LGR5: variants seen among roughly 807,000 people sequenced by gnomAD.
The protein encoded by LGR5 is leucine rich repeat containing G protein-coupled receptor 5.
Under a neutral mutation model 76.7 loss-of-function variants are expected in LGR5, and 54 were observed. The ratio of observed to expected loss-of-function variants is 0.70; its 90% CI spans 0.57 to 0.88. The LOEUF (loss-of-function observed/expected upper bound fraction) is 0.88. Among genes scored for constraint, LGR5 ranks in the 40% least tolerant of loss-of-function variants. The probability of loss-of-function intolerance (pLI) is 0.00; values close to 1 mark genes in which losing one functional copy is unlikely to be tolerated. For missense variants in LGR5, 1,078 were observed against 1,073.3 expected (o/e 1.00, Z -0.06); for synonymous variants, 406 against 421.9 (o/e 0.96, Z 0.46).
At chr12:71,500,115 A>G (rs1874532709) in intron 1 of LGR5, among the ~76,000 whole-genome samples, 1 of 152,158 alleles carries the variant, frequency 6.6e-6, no homozygotes, top group Non-Finnish European at 1.5e-5. Context: ...GTGTTCCTAG[A>G]ATAAAACCTG....
intron 11 of LGR5, among the ~76,000 whole-genome samples, chr12:71,570,558 G>A (rs1005766336): frequency 2.0e-5 from 3 of 152,062 alleles, no homozygotes; most frequent in Admixed American, 6.5e-5. Context: ...TAATAATCAG[G>A]TATATTTGTG....
At chr12:71,557,495 T>C (rs1877828865) in intron 6 of LGR5, among the ~76,000 whole-genome samples, 1 of 152,202 alleles carries the variant, frequency 6.6e-6, no homozygotes, top group African/African-American at 2.4e-5. Flanking sequence ...TGCTTTCTCC[T>C]CTAGTCTGAT....
chr12:71,546,738 G>A (rs1291615009), intron 4 of LGR5, among the ~76,000 whole-genome samples: 4 of 152,128 alleles, frequency 2.6e-5, no homozygotes, highest in African/African-American at 9.7e-5. Context: ...CATGTATTAT[G>A]AGGGCCTCCA....
Position 71,439,840 on chromosome 12 carries a change from C to A in LGR5, c.-241C>A. 2.0e-6 allele frequency: 1 copy of A among 494,128 alleles called. No homozygotes were observed. The highest frequency in any genetic ancestry group is 3.5e-6 in the Non-Finnish European group (1 of 282,516). The allele number at this position is 494,128 out of a possible 1,614,324, so 30.6% of individuals were successfully genotyped here. ...CCGCGAGCAGCAGCAAGGCGCACCG[C>A]CACTGTCGCCGCTGCAGCCAGGGCT... On this transcript the variant is annotated 5_prime_UTR_variant, in exon 1 of 18. Transcript: ENST00000266674.
rs1456303037 is a variant in LGR5, at chr12:71,439,938, G to C, written c.-143G>C. ...GCTTCTCCTCGCCGCCCACGCCGTG[G>C]GGTCAGGAACGCGGCGTCTGGCGCT... On this transcript the variant is annotated 5_prime_UTR_variant, in exon 1 of 18. Coordinates refer to ENST00000266674, the MANE Select transcript of LGR5 (RefSeq NM_003667.4). 4 of 690,496 alleles carry C rather than the reference G, an allele frequency of 5.8e-6. No individual in the cohort carries two copies. The highest frequency in any genetic ancestry group is 3.9e-5 in the African/African-American group (2 of 51,938). 42.8% of individuals were successfully genotyped at this position (690,496 alleles called of 1,614,324 possible).
chr12:71,455,177 G>A (rs1304361399), intron 1 of LGR5, among the ~76,000 whole-genome samples: 4 of 152,064 alleles, frequency 2.6e-5, no homozygotes, highest in Non-Finnish European at 4.4e-5. Context: ...ACTCCCCAAG[G>A]CAAATTCAAT....
chr12:71,530,996 GAAAAAAA>G (rs35134425), intron 3 of LGR5, among the ~76,000 whole-genome samples: 1 of 138,662 alleles, frequency 7.2e-6, no homozygotes, highest in African/African-American at 2.7e-5. Context: ...GTCCTGTTGG[GAAAAAAA>G]AAAAAAAAAA....
chr12:71,557,740 G>T (rs1232873305), intron 6 of LGR5, among the ~76,000 whole-genome samples: 1 of 152,132 alleles, frequency 6.6e-6, no homozygotes, highest in Non-Finnish European at 1.5e-5. Flanking sequence ...GAGGTGATAG[G>T]CAGGGAGGGT....
intron 3 of LGR5, among the ~76,000 whole-genome samples, chr12:71,527,064 A>T (rs1031985347): frequency 2.2e-4 from 33 of 152,114 alleles, no homozygotes; most frequent in African/African-American, 4.3e-4. Flanking sequence ...ATGAGGAGGC[A>T]TGATGAGGAG....
At chr12:71,530,746 A>G (rs1169659863) in intron 3 of LGR5, among the ~76,000 whole-genome samples, 2 of 152,174 alleles carry the variant, frequency 1.3e-5, no homozygotes, top group East Asian at 1.9e-4. Flanking sequence ...CTGCCACTCA[A>G]CACCAAAACC....
At chr12:71,522,144 C>A (rs1409360666) in intron 2 of LGR5, among the ~76,000 whole-genome samples, 1 of 152,192 alleles carries the variant, frequency 6.6e-6, no homozygotes, top group Non-Finnish European at 1.5e-5. Context: ...CTAGCACCCA[C>A]TAGGGATCAG....
intron 1 of LGR5, among the ~76,000 whole-genome samples, chr12:71,445,431 C>A (rs1009799537): frequency 4.6e-5 from 7 of 152,236 alleles, no homozygotes; most frequent in African/African-American, 1.7e-4. Context: ...CCCACTGCAA[C>A]TCTTTCATTC....
At chr12:71,535,290 C>A in intron 4 of LGR5, 104 bp downstream of exon 4, 1 of 751,848 alleles carries the variant, frequency 1.3e-6, no homozygotes, top group Non-Finnish European at 2.3e-6. Flanking sequence ...GGGAGTCATA[C>A]CTAAATGTAT....
chr12:71,573,406 A>AT (rs1193175459), intron 13 of LGR5, among the ~76,000 whole-genome samples: 1 of 152,194 alleles, frequency 6.6e-6, no homozygotes, highest in Non-Finnish European at 1.5e-5. Context: ...GGGAATCTGC[A>AT]TTTTAACAAG....
upstream of LGR5, among the ~76,000 whole-genome samples, chr12:71,439,567 A>G (rs1388613820): frequency 2.0e-5 from 3 of 151,898 alleles, no homozygotes; most frequent in Non-Finnish European, 4.4e-5. Context: ...GGCGTTGAGC[A>G]CTGAATCTTC....
intron 5 of LGR5, among the ~76,000 whole-genome samples, 166 bp downstream of exon 5, chr12:71,553,454 ACT>A (rs1399431302): frequency 3.3e-5 from 5 of 152,100 alleles, no homozygotes; most frequent in Non-Finnish European, 7.4e-5. Flanking sequence ...TGTGTAAATG[ACT>A]TAAACAATAC....
chr12:71,529,156 A>G (rs1410777575), intron 3 of LGR5, among the ~76,000 whole-genome samples: 1 of 152,188 alleles, frequency 6.6e-6, no homozygotes, highest in Non-Finnish European at 1.5e-5. Context: ...CCCTTATAAT[A>G]TATAACAAGT....
At chr12:71,465,141 C>A (rs773894482) in intron 1 of LGR5, among the ~76,000 whole-genome samples, 1 of 152,124 alleles carries the variant, frequency 6.6e-6, no homozygotes, top group Admixed American at 6.5e-5. Context: ...AATCGTTCAC[C>A]AAGGCAGCTC....
chr12:71,471,663 G>A (rs1873110227), intron 1 of LGR5, among the ~76,000 whole-genome samples: 2 of 151,178 alleles, frequency 1.3e-5, no homozygotes, highest in Admixed American at 1.3e-4. Flanking sequence ...TTAAGAGTGA[G>A]GGCTCTAAGA....
Sources: gnomAD v4.1 joint callset for allele counts (sites outside exome capture counted in the v4.1 genomes callset) on GRCh38, gnomAD v4.1.1 for gene constraint, MANE v1.5 for transcripts, NCBI Gene and HGNC (gene_info 2026-07-23, HGNC 2026-07-21) for gene names.